The following ZFAT variants were observed in gnomAD, a reference collection of about 807,000 sequenced individuals.
The protein encoded by ZFAT is zinc finger and AT-hook domain containing, also known as zinc finger protein ZFAT.
A neutral mutation model predicts 117.7 loss-of-function variants in ZFAT; 64 were observed. That is an observed-to-expected ratio of 0.54 (90% CI 0.44 to 0.67). The LOEUF is 0.67. Among genes scored for constraint, ZFAT ranks in the 30% least tolerant of loss-of-function variants. The pLI is 0.00. For synonymous variants in ZFAT, 679 were observed against 615.0 expected (o/e 1.10, Z -1.54); for missense variants, 1,433 against 1,584.5 (o/e 0.90, Z 1.62).
intron 7 of ZFAT, among the ~76,000 whole-genome samples, chr8:134,596,650 A>T (rs1054373558): frequency 1.3e-5 from 2 of 152,192 alleles, no homozygotes; most frequent in African/African-American, 4.8e-5. Context: ...AATTACCACT[A>T]AAAAAATGCC....
intron 3 of ZFAT, among the ~76,000 whole-genome samples, chr8:134,621,848 G>A (rs551062473): frequency 7.2e-5 from 11 of 152,310 alleles, no homozygotes; most frequent in East Asian, 5.8e-4. Flanking sequence ...TGTACTACGT[G>A]AAATACGGCT....
chr8:134,746,228 G>T, the ZFAT span, among the ~76,000 whole-genome samples: 1 of 152,228 alleles, frequency 6.6e-6, no homozygotes, highest in Non-Finnish European at 1.5e-5. Flanking sequence ...TTCTCTCTAG[G>T]ACTAAATCTT....
the ZFAT span, among the ~76,000 whole-genome samples, chr8:134,759,536 T>C: frequency 6.6e-6 from 1 of 151,876 alleles, no homozygotes; most frequent in Non-Finnish European, 1.5e-5. Flanking sequence ...GGAGGGAGGA[T>C]GGTGGTATTG....
At chr8:134,657,355 T>A (rs557384264) in intron 2 of ZFAT, among the ~76,000 whole-genome samples, 1 of 152,362 alleles carries the variant, frequency 6.6e-6, no homozygotes, top group South Asian at 2.1e-4. Flanking sequence ...CCATTCATTC[T>A]TTCATTCATT....
Position 134,600,575 on chromosome 8 carries a change from GA to G in ZFAT, c.2335del (p.Ser779ProfsTer11). On this transcript the variant is annotated frameshift_variant, in exon 7 of 16. Transcript: ENST00000377838. LOFTEE classifies it high-confidence loss of function. Reference protein sequence around the residue: ...LYYCSQCHYSSITKNCLKRHV... With the variant: ...LYYCSQCHYSXITKNCLKRHV... ...GCGTTTAAGGCAGTTTTTGGTGATG[GA>G]AGAATAATGACACTGAGAGCAATAA... is the stretch of plus-strand genomic sequence containing the variant. 6.2e-7 allele frequency: 1 copy of G among 1,614,076 alleles called. No individual in the cohort carries two copies. Among genetic ancestry groups the G allele is most frequent in the Non-Finnish European group, 8.5e-7 (1 of 1,180,032 alleles).
chr8:134,769,975 C>T, the ZFAT span, among the ~76,000 whole-genome samples: 1 of 152,180 alleles, frequency 6.6e-6, no homozygotes, highest in Non-Finnish European at 1.5e-5. Context: ...GGCACCAAGC[C>T]CCTGGGTGGC....
intron 3 of ZFAT, among the ~76,000 whole-genome samples, chr8:134,610,899 A>G (rs1828286042): frequency 1.3e-5 from 2 of 152,240 alleles, no homozygotes; most frequent in South Asian, 4.1e-4. Flanking sequence ...TGTTGGGTGA[A>G]GCAGACATAG....
At chr8:134,732,601 G>T in the ZFAT span, among the ~76,000 whole-genome samples, 1 of 152,230 alleles carries the variant, frequency 6.6e-6, no homozygotes, top group Non-Finnish European at 1.5e-5. Flanking sequence ...ATGGGGTAGG[G>T]TGAAGTTCTA....
the ZFAT span, chr8:134,723,976 A>G: frequency 6.6e-6 from 1 of 152,414 alleles, no homozygotes; most frequent in Non-Finnish European, 1.5e-5. Flanking sequence ...TTCTTTCATT[A>G]TGCTGCCTCA....
At chr8:134,750,428 T>C in the ZFAT span, among the ~76,000 whole-genome samples, 1 of 152,198 alleles carries the variant, frequency 6.6e-6, no homozygotes, top group Admixed American at 6.5e-5. Flanking sequence ...ACAACTCTTG[T>C]GCCTTATATT....
At chr8:134,799,989 G>A in the ZFAT span, among the ~76,000 whole-genome samples, 1 of 151,866 alleles carries the variant, frequency 6.6e-6, no homozygotes, top group African/African-American at 2.4e-5. Flanking sequence ...TTACAGATGA[G>A]AAAACCACTG....
chr8:134,730,424 C>T, the ZFAT span, among the ~76,000 whole-genome samples: 1 of 152,238 alleles, frequency 6.6e-6, no homozygotes, highest in Non-Finnish European at 1.5e-5. Context: ...CCCACTCCCC[C>T]TTCCTGCCAG....
At chr8:134,736,009 G>T in the ZFAT span, among the ~76,000 whole-genome samples, 1 of 152,246 alleles carries the variant, frequency 6.6e-6, no homozygotes, top group South Asian at 2.1e-4. Flanking sequence ...AGCAGGCAAG[G>T]TTAAGGCCCA....
intron 1 of ZFAT, among the ~76,000 whole-genome samples, chr8:134,665,918 T>C (rs967755799): frequency 6.6e-6 from 1 of 152,142 alleles, no homozygotes; most frequent in Non-Finnish European, 1.5e-5. Context: ...GGAGCTGGTA[T>C]TGTTGACATG....
chr8:134,696,801 C>T (rs1247029810), intron 1 of ZFAT, among the ~76,000 whole-genome samples: 1 of 152,278 alleles, frequency 6.6e-6, no homozygotes, highest in Non-Finnish European at 1.5e-5. Context: ...GAGCCCGCTC[C>T]AGTCCCAGGA....
At chr8:134,805,849 G>T in the ZFAT span, among the ~76,000 whole-genome samples, 1 of 152,050 alleles carries the variant, frequency 6.6e-6, no homozygotes, top group African/African-American at 2.4e-5. Context: ...GGGTGTGGTG[G>T]TGCATGCGGT....
At chr8:134,610,797 AGG>A in intron 3 of ZFAT, 142 bp from the exon 4 acceptor site, 2 of 907,742 alleles carry the variant, frequency 2.2e-6, no homozygotes, top group South Asian at 3.4e-5. Context: ...GAATCACTGT[AGG>A]TACCACGGTG....
At chr8:134,728,920 T>G in the ZFAT span, among the ~76,000 whole-genome samples, 1 of 152,198 alleles carries the variant, frequency 6.6e-6, no homozygotes, top group African/African-American at 2.4e-5. Context: ...TTACTCATTC[T>G]GGATTTTTTT....
At chr8:134,811,198 T>C in the ZFAT span, among the ~76,000 whole-genome samples, 1 of 152,174 alleles carries the variant, frequency 6.6e-6, no homozygotes, top group African/African-American at 2.4e-5. Flanking sequence ...AAAGATGATG[T>C]GACAAATAGC....
Sources: allele counts gnomAD v4.1 joint callset (sites outside exome capture counted in the v4.1 genomes callset), GRCh38; gene constraint gnomAD v4.1.1; transcripts MANE v1.5; gene names NCBI Gene and HGNC (gene_info 2026-07-23, HGNC 2026-07-21).